CNTN4: variants seen among roughly 807,000 people sequenced by gnomAD.
The protein encoded by CNTN4 is contactin-4.
A neutral mutation model predicts 122.5 loss-of-function variants in CNTN4; 77 were observed. The ratio of observed to expected loss-of-function variants is 0.63; its 90% CI spans 0.52 to 0.76. The LOEUF (loss-of-function observed/expected upper bound fraction) is 0.76. Among genes scored for constraint, CNTN4 ranks in the 30% least tolerant of loss-of-function variants. The pLI is 0.00. For missense variants in CNTN4, 1,256 were observed against 1,259.1 expected, an observed-to-expected ratio of 1.00 and a Z score of 0.04; for synonymous variants, 512 against 447.0, an observed-to-expected ratio of 1.15 and a Z score of -1.83.
chr3:2,761,418 A>G (rs6769880), intron 6 of CNTN4, among the ~76,000 whole-genome samples: 31,434 of 150,110 alleles, frequency 0.21, 3,598 homozygotes, highest in East Asian at 0.37. Context: ...TGAGGATTAA[A>G]TATGCCTGGT....
At chr3:2,348,985 A>G (rs943140148) in intron 3 of CNTN4, among the ~76,000 whole-genome samples, 1 of 152,206 alleles carries the variant, frequency 6.6e-6, no homozygotes, top group Non-Finnish European at 1.5e-5. Context: ...AAGCAAGTTT[A>G]AATCTGATGA....
At chr3:2,910,215 T>C (rs2094285151) in intron 12 of CNTN4, among the ~76,000 whole-genome samples, 1 of 152,186 alleles carries the variant, frequency 6.6e-6, no homozygotes, top group African/African-American at 2.4e-5. Flanking sequence ...CTGATAAATA[T>C]TATGATAAAT....
intron 3 of CNTN4, among the ~76,000 whole-genome samples, chr3:2,449,793 A>T (rs1428709082): frequency 1.3e-5 from 2 of 151,794 alleles, no homozygotes; most frequent in Non-Finnish European, 2.9e-5. Context: ...GCTATTTATG[A>T]CAACATGGAT....
intron 3 of CNTN4, among the ~76,000 whole-genome samples, chr3:2,422,424 G>A (rs1369954861): frequency 3.3e-5 from 5 of 152,162 alleles, no homozygotes; most frequent in Non-Finnish European, 5.9e-5. Context: ...CATTTTCACA[G>A]CCTCTAGAAG....
At chr3:2,869,762 A>T (rs940443174) in intron 8 of CNTN4, among the ~76,000 whole-genome samples, 8 of 152,170 alleles carry the variant, frequency 5.3e-5, no homozygotes, top group Admixed American at 4.6e-4. Flanking sequence ...TGCTTGCCAC[A>T]TGGCAAATGT....
At chr3:2,995,626 A>G (rs948643592) in intron 14 of CNTN4, among the ~76,000 whole-genome samples, 1 of 152,216 alleles carries the variant, frequency 6.6e-6, no homozygotes, top group Non-Finnish European at 1.5e-5. Context: ...TCTGTGGGTC[A>G]AGAAGCTTGT....
intron 3 of CNTN4, among the ~76,000 whole-genome samples, chr3:2,342,608 C>A (rs1326654168): frequency 6.6e-6 from 1 of 152,114 alleles, no homozygotes; most frequent in Non-Finnish European, 1.5e-5. Flanking sequence ...GTTCGTGTAA[C>A]AGTGAGTGAG....
At chr3:2,124,465 CA>C (rs2034005285) in intron 2 of CNTN4, among the ~76,000 whole-genome samples, 1 of 148,804 alleles carries the variant, frequency 6.7e-6, no homozygotes, top group African/African-American at 2.5e-5. Flanking sequence ...CACACACACA[CA>C]CACACACCCC....
At chr3:2,964,002 T>C (rs1692030145) in intron 13 of CNTN4, among the ~76,000 whole-genome samples, 1 of 152,240 alleles carries the variant, frequency 6.6e-6, no homozygotes. Context: ...GTATCAGTTT[T>C]GTTCACTATT....
intron 15 of CNTN4, among the ~76,000 whole-genome samples, chr3:3,028,488 G>A (rs1019157378): frequency 4.6e-5 from 7 of 151,952 alleles, no homozygotes; most frequent in African/African-American, 1.2e-4. Flanking sequence ...CTTCTGAATC[G>A]CAAAATCAAA....
intron 2 of CNTN4, among the ~76,000 whole-genome samples, chr3:2,162,129 C>A (rs1251321539): frequency 6.6e-6 from 1 of 151,856 alleles, no homozygotes; most frequent in Non-Finnish European, 1.5e-5. Context: ...AATAAAATAC[C>A]ACATAATTTA....
intron 4 of CNTN4, among the ~76,000 whole-genome samples, chr3:2,703,703 A>G (rs1014188944): frequency 6.6e-6 from 1 of 152,162 alleles, no homozygotes; most frequent in African/African-American, 2.4e-5. Context: ...AAAGAAGAAA[A>G]CAAAATTGTA....
At position 2,786,551 on chromosome 3, in the gene CNTN4, A is replaced by G. The variant is rs73807943; in HGVS notation, c.359-32935A>G. ...GGATCAAGGGAACTGCCCCATTTCA[A>G]TTTGAGTTTAGACCTGAAAGACAAG... On this transcript the variant is annotated intron_variant, in intron 6 of 24. Transcript: ENST00000418658. 7.9e-3 allele frequency among the ~76,000 whole-genome samples: 1,202 copies of G among 152,290 alleles called. 18 individuals are homozygous for G. Among genetic ancestry groups the G allele is most frequent in the African/African-American group, 0.027 (1,109 of 41,562 alleles).
chr3:2,732,903 C>A (rs958559476), intron 4 of CNTN4, among the ~76,000 whole-genome samples: 1 of 152,058 alleles, frequency 6.6e-6, no homozygotes, highest in African/African-American at 2.4e-5. Context: ...ATACTATTCC[C>A]TTTATGCTAA....
chr3:2,616,682 G>A (rs2081755630), intron 4 of CNTN4, among the ~76,000 whole-genome samples: 1 of 152,082 alleles, frequency 6.6e-6, no homozygotes, highest in Non-Finnish European at 1.5e-5. Context: ...TGACTGTCAT[G>A]AGATGGTCTA....
intron 3 of CNTN4, among the ~76,000 whole-genome samples, chr3:2,353,794 G>T (rs919440934): frequency 1.3e-5 from 2 of 152,214 alleles, no homozygotes; most frequent in African/African-American, 4.8e-5. Context: ...AGCTACTCGG[G>T]AGGCTGAGGC....
At chr3:2,248,330 C>T (rs2040234402) in intron 2 of CNTN4, among the ~76,000 whole-genome samples, 1 of 151,810 alleles carries the variant, frequency 6.6e-6, no homozygotes, top group African/African-American at 2.4e-5. Flanking sequence ...GTAACATAGA[C>T]AACAAATAGC....
chr3:2,417,023 C>T (rs915640433), intron 3 of CNTN4, among the ~76,000 whole-genome samples: 36 of 152,292 alleles, frequency 2.4e-4, no homozygotes, highest in African/African-American at 8.2e-4. Context: ...GAGAATTAAC[C>T]TTCTCAGTGG....
intron 7 of CNTN4, among the ~76,000 whole-genome samples, chr3:2,838,731 A>G (rs1280131596): frequency 2.0e-5 from 3 of 152,128 alleles, no homozygotes; most frequent in Admixed American, 6.5e-5. Flanking sequence ...TCTGCCTTCA[A>G]CACATCTGTC....
Sources: gnomAD v4.1 joint callset for allele counts (sites outside exome capture counted in the v4.1 genomes callset) on GRCh38, gnomAD v4.1.1 for gene constraint, MANE v1.5 for transcripts, NCBI Gene and HGNC (gene_info 2026-07-23, HGNC 2026-07-21) for gene names.